The following SHROOM2 variants were observed in gnomAD, a reference collection of about 807,000 sequenced individuals.
SHROOM2 encodes protein Shroom2.
In SHROOM2, 33 loss-of-function variants were observed where a neutral mutation model predicts 75.9. That is an observed-to-expected ratio of 0.43 (90% CI 0.33 to 0.58). SHROOM2 has a LOEUF of 0.58. Ranked by LOEUF, SHROOM2 falls within the 20% of genes least tolerant of loss-of-function variation. SHROOM2 has a pLI of 0.04. For missense variants in SHROOM2, 1,434 were observed against 1,461.2 expected (o/e 0.98, Z 0.30); for synonymous variants, 655 against 663.6 (o/e 0.99, Z 0.20).
At chrX:9,916,987 T>C (rs1420180496) in intron 5 of SHROOM2, among the ~76,000 whole-genome samples, 2 of 111,876 alleles carry the variant, frequency 1.8e-5, no homozygotes, top group African/African-American at 6.5e-5. Flanking sequence ...TAGTTGTACA[T>C]TGCCATTACT....
At chrX:9,816,101 TGTA>T (rs2083820059) in intron 1 of SHROOM2, among the ~76,000 whole-genome samples, 1 of 112,625 alleles carries the variant, frequency 8.9e-6, no homozygotes, top group Non-Finnish European at 1.9e-5. Flanking sequence ...TCATCCATGT[TGTA>T]GTGTGTATCA....
intron 1 of SHROOM2, among the ~76,000 whole-genome samples, chrX:9,857,365 G>C (rs1443788685): frequency 9.3e-6 from 1 of 107,913 alleles, no homozygotes; most frequent in African/African-American, 3.5e-5. Context: ...GCCTCACCTA[G>C]TTTTATTTTT....
In SHROOM2 at chrX:9,896,335, C is replaced by A. The variant is rs142549415; in HGVS notation, c.2427C>A (p.Pro809=). The change falls in exon 4 of 10, where the codon CCC becomes CCA. Residue 809 remains proline (P), a synonymous_variant. Transcript: ENST00000380913. ...TTGAGGAAACGAGCAAACCTGTTCCCCAGAGGCCTGCCCAGAAGCAAGCTC... is the reference window on the plus strand; with the variant it reads ...TTGAGGAAACGAGCAAACCTGTTCCACAGAGGCCTGCCCAGAAGCAAGCTC... ...KFFEETSKPV[P]QRPAQKQALH... is the part of the protein sequence containing the mutation. The A allele has an allele frequency of 8.2e-7, 1 of 1,212,208 alleles. No homozygotes were observed. Among genetic ancestry groups the A allele is most frequent in the East Asian group, 3.0e-5 (1 of 33,857 alleles).
rs745580466 is a variant in SHROOM2, at chrX:9,948,837, G to A, written c.*1900G>A. On this transcript the variant is annotated 3_prime_UTR_variant, in exon 10 of 10. Transcript: ENST00000380913. Reference sequence around the variant, plus strand: ...GCGTGAATGCTGGTCAGTCTGAAAAGGTGAAGCTGGCTGTGCACTTACCCC... The same window carrying A: ...GCGTGAATGCTGGTCAGTCTGAAAAAGTGAAGCTGGCTGTGCACTTACCCC... 8.8e-6 allele frequency: 1 copy of A among 114,210 alleles called. No individual in the cohort carries two copies. Among genetic ancestry groups the A allele is most frequent in the African/African-American group, 3.2e-5 (1 of 31,167 alleles). The allele number at this position is 114,210 out of a possible 1,213,427, so 9.4% of individuals were successfully genotyped here.
At chrX:9,791,210 G>A (rs1321937175) in intron 1 of SHROOM2, among the ~76,000 whole-genome samples, 7 of 111,597 alleles carry the variant, frequency 6.3e-5, no homozygotes, top group Admixed American at 5.7e-4. Flanking sequence ...GAAAGGCTCA[G>A]AACAAGTAGC....
chrX:9,829,224 A>G (rs1252412301), intron 1 of SHROOM2, among the ~76,000 whole-genome samples: 3 of 111,024 alleles, frequency 2.7e-5, no homozygotes, highest in Non-Finnish European at 5.7e-5. Flanking sequence ...GGGTTTCACC[A>G]TGTTAGCCAG....
chrX:9,830,735 G>T (rs191154393), intron 1 of SHROOM2, among the ~76,000 whole-genome samples: 1,475 of 107,622 alleles, frequency 0.014, 19 homozygotes, highest in African/African-American at 0.048. Flanking sequence ...CCGAGTAGCT[G>T]GGATTACAGG....
At chrX:9,808,824 T>C (rs1417312191) in intron 1 of SHROOM2, among the ~76,000 whole-genome samples, 2 of 110,573 alleles carry the variant, frequency 1.8e-5, no homozygotes, top group East Asian at 5.7e-4. Context: ...TTCGCGCCAT[T>C]GCACTCCAGC....
At chrX:9,842,000 A>G (rs1468276575) in intron 1 of SHROOM2, among the ~76,000 whole-genome samples, 1 of 112,265 alleles carries the variant, frequency 8.9e-6, no homozygotes, top group East Asian at 2.8e-4. Flanking sequence ...TCCAGGCTGT[A>G]GTGAACTATG....
At chrX:9,833,608 C>CTGTGTGTGTGTGTGTGTGTGTGTG (rs144161839) in intron 1 of SHROOM2, among the ~76,000 whole-genome samples, 14 of 95,367 alleles carry the variant, frequency 1.5e-4, no homozygotes, top group East Asian at 1.1e-3. Flanking sequence ...CAAGTAGACT[C>CTGTGTGTGTGTGTGTGTGTGTGTG]TGTGTGTGTG....
intron 2 of SHROOM2, among the ~76,000 whole-genome samples, chrX:9,878,837 G>A (rs1350405615): frequency 9.1e-6 from 1 of 109,672 alleles, no homozygotes; most frequent in Non-Finnish European, 1.9e-5. Context: ...AGGACGTCAG[G>A]TGAAACCCAT....
chrX:9,867,329 C>T (rs1274113092), intron 1 of SHROOM2, among the ~76,000 whole-genome samples: 2 of 111,190 alleles, frequency 1.8e-5, no homozygotes, highest in East Asian at 2.8e-4. Flanking sequence ...CTGTGAGTGC[C>T]CATAGCATGG....
intron 1 of SHROOM2, among the ~76,000 whole-genome samples, chrX:9,869,135 A>G (rs1209766502): frequency 9.2e-6 from 1 of 108,367 alleles, no homozygotes; most frequent in Non-Finnish European, 1.9e-5. Context: ...TTTTGTTTGT[A>G]TTTTTAGTAG....
Position 9,862,588 on chromosome X carries a change from A to G in SHROOM2, c.166-11064A>G, listed in dbSNP as rs150659260. ...GAACTTGCTAGGAGGCCGCCCTTGG[A>G]GCTTAGTGCCACTGTGTGTGCCACA... is the stretch of plus-strand genomic sequence containing the variant. On this transcript the variant is annotated intron_variant, in intron 1 of 9. Coordinates refer to ENST00000380913, the MANE Select transcript of SHROOM2 (RefSeq NM_001649.4). Among the ~76,000 whole-genome samples the G allele has an allele frequency of 4.4e-4, 49 of 111,425 alleles. No individual in the cohort carries two copies. The East Asian group carries it at 0.013, about 30-fold the overall frequency.
At chrX:9,868,479 C>T (rs7062717) in intron 1 of SHROOM2, among the ~76,000 whole-genome samples, 27,249 of 108,575 alleles carry the variant, frequency 0.25, 3,465 homozygotes, top group African/African-American at 0.48. Flanking sequence ...CTCCTGACCT[C>T]GTGATCCACC....
intron 5 of SHROOM2, among the ~76,000 whole-genome samples, chrX:9,927,285 G>A (rs1238627962): frequency 1.0e-5 from 1 of 98,476 alleles, no homozygotes; most frequent in African/African-American, 3.7e-5. Flanking sequence ...GGGAGGTCGA[G>A]ACTACAGTGA....
intron 1 of SHROOM2, among the ~76,000 whole-genome samples, chrX:9,830,976 T>G (rs947385202): frequency 1.8e-5 from 2 of 111,849 alleles, no homozygotes; most frequent in Non-Finnish European, 3.8e-5. Flanking sequence ...AGGCATCTTG[T>G]GAGTTCTGAG....
intron 1 of SHROOM2, among the ~76,000 whole-genome samples, chrX:9,794,301 G>T (rs2083683010): frequency 8.9e-6 from 1 of 112,174 alleles, no homozygotes; most frequent in Non-Finnish European, 1.9e-5. Context: ...CTTCTCTGCT[G>T]TGTTGCCTGT....
At chrX:9,855,321 AG>A (rs1198615652) in intron 1 of SHROOM2, among the ~76,000 whole-genome samples, 16 of 105,475 alleles carry the variant, frequency 1.5e-4, no homozygotes, top group African/African-American at 5.5e-4. Context: ...AAAAAAAAAA[AG>A]GCATCCTATC....
Sources: gnomAD v4.1 joint callset for allele counts (sites outside exome capture counted in the v4.1 genomes callset) on GRCh38, gnomAD v4.1.1 for gene constraint, MANE v1.5 for transcripts, NCBI Gene and HGNC (gene_info 2026-07-23, HGNC 2026-07-21) for gene names.